PDLIM5: variants seen among roughly 807,000 people sequenced by gnomAD.
PDLIM5 encodes the protein PDZ and LIM domain protein 5.
In PDLIM5, 34 loss-of-function variants were observed where a neutral mutation model predicts 64.2. The observed-to-expected ratio is 0.53, with a 90% CI of 0.40 to 0.71. The LOEUF is 0.71. PDLIM5 is among the 30% of genes least tolerant of loss of function. The probability of loss-of-function intolerance (pLI) is 0.00; values close to 1 mark genes in which losing one functional copy is unlikely to be tolerated. For missense variants in PDLIM5, 683 were observed against 733.6 expected (o/e 0.93, Z 0.80); for synonymous variants, 253 against 269.1 (o/e 0.94, Z 0.59).
At chr4:94,551,794 T>G (rs1732832613) in intron 3 of PDLIM5, among the ~76,000 whole-genome samples, 1 of 152,106 alleles carries the variant, frequency 6.6e-6, no homozygotes, top group African/African-American at 2.4e-5. Flanking sequence ...AGGAAAAAAG[T>G]GGTCACAACT....
intron 10 of PDLIM5, 102 bp downstream of exon 10, chr4:94,654,742 T>A (rs1347056012): frequency 1.4e-6 from 1 of 737,486 alleles, no homozygotes; most frequent in Non-Finnish European, 2.3e-6. Context: ...TCTTCTTGCT[T>A]TATGCCCTCT....
chr4:94,652,167 T>C (rs1001535094), intron 9 of PDLIM5, among the ~76,000 whole-genome samples: 3 of 152,352 alleles, frequency 2.0e-5, no homozygotes, highest in Admixed American at 1.3e-4. Flanking sequence ...CCAACACTTA[T>C]GCTTTAACAG....
At chr4:94,492,269 G>T (rs949514331) in intron 2 of PDLIM5, among the ~76,000 whole-genome samples, 3 of 151,504 alleles carry the variant, frequency 2.0e-5, no homozygotes, top group Admixed American at 2.0e-4. Context: ...AACTGAGTTT[G>T]TGTTGAATTA....
intron 8 of PDLIM5, among the ~76,000 whole-genome samples, chr4:94,628,576 A>T (rs1403121492): frequency 6.7e-6 from 1 of 148,622 alleles, no homozygotes; most frequent in African/African-American, 2.5e-5. Flanking sequence ...AACTCTATTT[A>T]TGTGGTCAAC....
intron 2 of PDLIM5, among the ~76,000 whole-genome samples, chr4:94,518,112 C>G (rs779001473): frequency 1.3e-5 from 2 of 152,028 alleles, no homozygotes; most frequent in Non-Finnish European, 2.9e-5. Flanking sequence ...GATTAAACAT[C>G]GTGCCTTTTT....
chr4:94,657,613 C>G (rs760998922), intron 11 of PDLIM5, 66 bp downstream of exon 11: 3 of 1,180,862 alleles, frequency 2.5e-6, no homozygotes, highest in Non-Finnish European at 3.6e-6. Flanking sequence ...CCTTATATTA[C>G]TATAAAGCTC....
rs115466640 is a variant in PDLIM5 at position 94,497,013 on chromosome 4, C to G, written c.97-26711C>G. Among the ~76,000 whole-genome samples, 926 of 152,182 alleles carry G rather than the reference C, an allele frequency of 6.1e-3. 7 individuals carry two copies. The highest frequency in any genetic ancestry group is 0.021 in the African/African-American group (874 of 41,526). On this transcript the variant is annotated intron_variant, in intron 2 of 12. Transcript: ENST00000317968. The stretch of plus-strand genomic sequence containing the variant: ...AAAAAGGCATTAAAATTTGAGACTT[C>G]CTGATTTTAGAAGGTTTATGCCAAG...
chr4:94,452,013 G>C lies in PDLIM5; in HGVS notation c.-43+18G>C, dbSNP rs1007914300. On this transcript the variant is annotated intron_variant, in intron 1 of 12. Coordinates refer to ENST00000317968, the MANE Select transcript of PDLIM5 (RefSeq NM_006457.5). ...GACCCGAGGTGAGTGGCGGCCGGCC[G>C]GCGATGCGCCTCTCGGATCTCCGGT... is the stretch of plus-strand genomic sequence containing the variant. 2 of 152,300 alleles carry C rather than the reference G, an allele frequency of 1.3e-5. No homozygotes were observed. Among genetic ancestry groups the C allele is most frequent in the Admixed American group, 6.5e-5 (1 of 15,292 alleles). The allele number at this position is 152,300 out of a possible 1,614,324, so 9.4% of individuals were successfully genotyped here.
rs187404125 is a variant in PDLIM5, at chr4:94,564,902, C to T, written c.249-8449C>T. 3.8e-3 allele frequency among the ~76,000 whole-genome samples: 584 copies of T among 151,848 alleles called. 3 individuals are homozygous for T. The highest frequency in any genetic ancestry group is 2.7e-3 in the Non-Finnish European group (186 of 67,910). On this transcript the variant is annotated intron_variant, in intron 3 of 12. Transcript: ENST00000317968. Reference sequence around the variant, plus strand: ...TGATCTCCTGACCTCGTGATCCGCCCGCCTCGGCCTCCCAAAGTGCTGGGA... The same window carrying T: ...TGATCTCCTGACCTCGTGATCCGCCTGCCTCGGCCTCCCAAAGTGCTGGGA...
chr4:94,507,454 A>G (rs1017306001), intron 2 of PDLIM5, among the ~76,000 whole-genome samples: 2 of 152,124 alleles, frequency 1.3e-5, no homozygotes, highest in African/African-American at 4.8e-5. Flanking sequence ...GTTATGATTC[A>G]CCTTGAGGCA....
chr4:94,464,279 AT>A (rs1210959378), intron 2 of PDLIM5, among the ~76,000 whole-genome samples: 1 of 152,206 alleles, frequency 6.6e-6, no homozygotes, highest in Non-Finnish European at 1.5e-5. Flanking sequence ...CTAAATTTTA[AT>A]TGAAGAAAAG....
At chr4:94,541,359 G>T (rs1731791122) in intron 3 of PDLIM5, among the ~76,000 whole-genome samples, 1 of 152,202 alleles carries the variant, frequency 6.6e-6, no homozygotes, top group Admixed American at 6.5e-5. Flanking sequence ...CTTACCACTT[G>T]ATGGGTGCTA....
chr4:94,508,177 C>T (rs1728559295), intron 2 of PDLIM5, among the ~76,000 whole-genome samples: 1 of 152,130 alleles, frequency 6.6e-6, no homozygotes, highest in African/African-American at 2.4e-5. Flanking sequence ...TGTGATTGTG[C>T]ATTTGATTTC....
chr4:94,574,931 CAG>C (rs1735124033), intron 4 of PDLIM5, among the ~76,000 whole-genome samples: 1 of 150,214 alleles, frequency 6.7e-6, no homozygotes, highest in African/African-American at 2.5e-5. Context: ...TTAAAACATT[CAG>C]AGAGAGAAAT....
chr4:94,548,997 C>T (rs1031506239), intron 3 of PDLIM5, among the ~76,000 whole-genome samples: 1 of 102,362 alleles, frequency 9.8e-6, no homozygotes, highest in Non-Finnish European at 2.2e-5. Flanking sequence ...AAAAAAAAGG[C>T]CTTATAAGGT....
At chr4:94,477,659 A>G (rs914591122) in intron 2 of PDLIM5, among the ~76,000 whole-genome samples, 1 of 152,186 alleles carries the variant, frequency 6.6e-6, no homozygotes, top group Non-Finnish European at 1.5e-5. Context: ...GGTTTTATGT[A>G]TACAGCTGAC....
intron 7 of PDLIM5, among the ~76,000 whole-genome samples, chr4:94,616,592 T>C (rs1738804537): frequency 6.6e-6 from 1 of 152,234 alleles, no homozygotes; most frequent in Admixed American, 6.5e-5. Flanking sequence ...TTACTGATAA[T>C]TGTGTTCAAT....
At chr4:94,459,059 A>G (rs191713616) in intron 2 of PDLIM5, among the ~76,000 whole-genome samples, 1 of 152,252 alleles carries the variant, frequency 6.6e-6, no homozygotes, top group East Asian at 1.9e-4. Context: ...GATGGGTTTC[A>G]TTGTAGCAGT....
In PDLIM5 at chr4:94,608,963, C is replaced by T. The variant is rs562356018; in HGVS notation, c.921-9041C>T. The stretch of plus-strand genomic sequence containing the variant: ...CATACAGTTTAATTTAATGGATAGA[C>T]TTAGATAGACCAAAAGAAAAATTAC... On this transcript the variant is annotated intron_variant, in intron 7 of 12. Coordinates refer to ENST00000317968, the MANE Select transcript of PDLIM5 (RefSeq NM_006457.5). Among the ~76,000 whole-genome samples the T allele has an allele frequency of 2.0e-5, 3 of 152,212 alleles. No homozygotes were observed. The South Asian group carries it at 6.2e-4, about 32-fold the overall frequency.
Sources: gnomAD v4.1 joint callset for allele counts (sites outside exome capture counted in the v4.1 genomes callset) on GRCh38, gnomAD v4.1.1 for gene constraint, MANE v1.5 for transcripts, NCBI Gene and HGNC (gene_info 2026-07-23, HGNC 2026-07-21) for gene names.